Variants in SGCZ observed in about 807,000 individuals in gnomAD.
SGCZ encodes zeta-sarcoglycan.
SGCZ carries 40 observed loss-of-function variants against 41.3 expected under a neutral mutation model. The ratio of observed to expected loss-of-function variants is 0.97; its 90% confidence interval spans 0.75 to 1.26. The LOEUF (loss-of-function observed/expected upper bound fraction) is 1.26. Among genes scored for constraint, SGCZ ranks in the 50% most tolerant of loss-of-function variants. The probability of loss-of-function intolerance (pLI) is 0.00; values close to 1 mark genes in which losing one functional copy is unlikely to be tolerated. For synonymous variants in SGCZ, 206 were observed against 137.5 expected (o/e 1.50, Z -3.49); for missense variants, 552 against 369.8 (o/e 1.49, Z -4.04).
At chr8:15,209,829 C>A (rs970288492) in intron 1 of SGCZ, among the ~76,000 whole-genome samples, 24 of 151,986 alleles carry the variant, frequency 1.6e-4, no homozygotes, top group Non-Finnish European at 2.8e-4. Flanking sequence ...TCTCCCAGCC[C>A]CCGGAAGTAA....
intron 2 of SGCZ, among the ~76,000 whole-genome samples, chr8:14,520,574 A>G (rs1802758642): frequency 6.6e-6 from 1 of 152,154 alleles, no homozygotes; most frequent in African/African-American, 2.4e-5. Context: ...ATTTAATTGT[A>G]CTGAAAAAAT....
chr8:14,760,916 C>A (rs1239610407), intron 1 of SGCZ, among the ~76,000 whole-genome samples: 1 of 152,224 alleles, frequency 6.6e-6, no homozygotes, highest in East Asian at 1.9e-4. Context: ...TGGCAAAGGT[C>A]TCAGAAGCTC....
chr8:14,108,071 CA>C, intron 6 of SGCZ, 91 bp downstream of exon 6: 1 of 898,350 alleles, frequency 1.1e-6, no homozygotes, highest in South Asian at 1.6e-5. Context: ...TTGGGAGAAA[CA>C]TTTGTCTAGT....
chr8:15,235,337 TCAAA>T (rs1418581319), intron 1 of SGCZ, among the ~76,000 whole-genome samples: 3 of 152,188 alleles, frequency 2.0e-5, no homozygotes, highest in Non-Finnish European at 4.4e-5. Context: ...CTGGAGGATC[TCAAA>T]CATTTTCTAA....
chr8:14,573,842 G>A (rs1247015974), intron 1 of SGCZ, among the ~76,000 whole-genome samples: 3 of 152,076 alleles, frequency 2.0e-5, no homozygotes, highest in African/African-American at 7.2e-5. Context: ...AATAAGAAAT[G>A]GAAGAGTTTT....
intron 1 of SGCZ, among the ~76,000 whole-genome samples, chr8:14,874,727 C>G (rs527556247): frequency 1.3e-5 from 2 of 152,192 alleles, no homozygotes; most frequent in East Asian, 3.9e-4. Context: ...GAGTATTCCT[C>G]TCTAAAAGGG....
At chr8:14,189,333 G>A (rs1203180965) in intron 4 of SGCZ, among the ~76,000 whole-genome samples, 2 of 152,070 alleles carry the variant, frequency 1.3e-5, no homozygotes, top group Admixed American at 6.5e-5. Context: ...AAGCCTTTTC[G>A]TTTCAAATCC....
At chr8:14,421,645 G>A (rs1799640252) in intron 2 of SGCZ, among the ~76,000 whole-genome samples, 1 of 152,090 alleles carries the variant, frequency 6.6e-6, no homozygotes, top group Non-Finnish European at 1.5e-5. Context: ...TTACTCTGCT[G>A]AGACTTCAAC....
At chr8:14,739,663 C>T (rs1036439688) in intron 1 of SGCZ, among the ~76,000 whole-genome samples, 1 of 151,922 alleles carries the variant, frequency 6.6e-6, no homozygotes, top group African/African-American at 2.4e-5. Context: ...TATTTCTGTA[C>T]AGCCATGAGG....
chr8:14,281,115 T>C (rs1800417714), intron 3 of SGCZ, among the ~76,000 whole-genome samples: 1 of 151,870 alleles, frequency 6.6e-6, no homozygotes, highest in Non-Finnish European at 1.5e-5. Flanking sequence ...GTCACATTCT[T>C]GAGATTGATC....
At chr8:15,120,153 T>C (rs1807425789) in intron 1 of SGCZ, among the ~76,000 whole-genome samples, 1 of 152,228 alleles carries the variant, frequency 6.6e-6, no homozygotes, top group South Asian at 2.1e-4. Flanking sequence ...ACCCAATTTT[T>C]ATATTTTTCT....
chr8:14,881,751 T>A (rs1236975567), intron 1 of SGCZ, among the ~76,000 whole-genome samples: 1 of 152,136 alleles, frequency 6.6e-6, no homozygotes, highest in African/African-American at 2.4e-5. Flanking sequence ...TCAACAGAAT[T>A]CTCCATCCAA....
chr8:15,192,373 A>G (rs778413764), intron 1 of SGCZ, among the ~76,000 whole-genome samples: 1 of 152,128 alleles, frequency 6.6e-6, no homozygotes, highest in African/African-American at 2.4e-5. Flanking sequence ...GAATTTTAAA[A>G]TCAGCTTCCA....
chr8:14,809,787 T>A (rs1801685251), intron 1 of SGCZ, among the ~76,000 whole-genome samples: 1 of 152,108 alleles, frequency 6.6e-6, no homozygotes, highest in African/African-American at 2.4e-5. Context: ...ATATTGATAA[T>A]ACAACAGAAA....
In SGCZ at chr8:14,759,589, G is replaced by A. The variant is rs536326425; in HGVS notation, c.40-204663C>T. 2.0e-5 allele frequency among the ~76,000 whole-genome samples: 3 copies of A among 152,266 alleles called. No homozygotes were observed. The East Asian group carries it at 5.8e-4, about 29-fold the overall frequency. ...ATTTCTTGGTTAGATACGCTATTAA[G>A]ATTCATAGAGAGTCTATTACTGGAC... On this transcript the variant is annotated intron_variant, in intron 1 of 7. Transcript: ENST00000382080.
intron 3 of SGCZ, among the ~76,000 whole-genome samples, chr8:14,276,767 G>T (rs1237954712): frequency 1.3e-5 from 2 of 152,096 alleles, no homozygotes; most frequent in African/African-American, 4.8e-5. Flanking sequence ...AACTGGGGCA[G>T]GAAAATAGGG....
chr8:15,018,167 T>C (rs1803110625), intron 1 of SGCZ, among the ~76,000 whole-genome samples: 1 of 152,182 alleles, frequency 6.6e-6, no homozygotes, highest in South Asian at 2.1e-4. Context: ...GCACAAAACC[T>C]ACATCCTCTG....
chr8:14,552,942 T>C (rs1354590725), intron 2 of SGCZ, among the ~76,000 whole-genome samples: 1 of 152,078 alleles, frequency 6.6e-6, no homozygotes, highest in East Asian at 1.9e-4. Context: ...TTTTGAAAGA[T>C]GCCTTTGATA....
chr8:14,348,180 T>C (rs554037193), intron 2 of SGCZ, among the ~76,000 whole-genome samples: 6 of 152,078 alleles, frequency 3.9e-5, no homozygotes, highest in African/African-American at 7.2e-5. Context: ...AAGATAGCCA[T>C]TGGAACAAGA....
Sources: gnomAD v4.1 joint callset for allele counts (sites outside exome capture counted in the v4.1 genomes callset) on GRCh38, gnomAD v4.1.1 for gene constraint, MANE v1.5 for transcripts, NCBI Gene and HGNC (gene_info 2026-07-23, HGNC 2026-07-21) for gene names.